The following PGAP1 variants were observed in gnomAD, a reference collection of about 807,000 sequenced individuals.
PGAP1 encodes the protein post-GPI attachment to proteins inositol deacylase 1.
In PGAP1, 76 loss-of-function variants were observed where a neutral mutation model predicts 127.0. That is an observed-to-expected ratio of 0.60 (90% CI 0.50 to 0.72). The LOEUF is 0.72. Among genes scored for constraint, PGAP1 ranks in the 30% least tolerant of loss-of-function variants. PGAP1 has a pLI of 0.00. For synonymous variants in PGAP1, 362 were observed against 366.5 expected, an observed-to-expected ratio of 0.99 and a Z score of 0.14; for missense variants, 982 against 1,071.3, an observed-to-expected ratio of 0.92 and a Z score of 1.16.
rs1407487345 is a variant in PGAP1 at position 196,919,983 on chromosome 2, C to T, written c.301+14G>A. On this transcript the variant is annotated intron_variant, in intron 2 of 26. Coordinates refer to ENST00000354764, the MANE Select transcript of PGAP1 (RefSeq NM_024989.4). ...ATTTTATAGCTTTCAAAATTTACTTCCAGTAAGACTTACCTTGCTTATAAC... is the reference window on the plus strand; with the variant it reads ...ATTTTATAGCTTTCAAAATTTACTTTCAGTAAGACTTACCTTGCTTATAAC... The T allele has an allele frequency of 2.5e-5, 40 of 1,586,044 alleles. No individual in the cohort carries two copies. Among genetic ancestry groups the T allele is most frequent in the Non-Finnish European group, 3.1e-5 (36 of 1,170,232 alleles).
chr2:196,870,330 T>C (rs1559344360), intron 19 of PGAP1, among the ~76,000 whole-genome samples: 2 of 151,436 alleles, frequency 1.3e-5, no homozygotes, highest in South Asian at 2.1e-4. Context: ...GGAGTCTCCC[T>C]TTGTTGCCAA....
At chr2:196,912,751 G>C in intron 4 of PGAP1, 131 bp downstream of exon 4, 1 of 681,464 alleles carries the variant, frequency 1.5e-6, no homozygotes, top group Non-Finnish European at 2.3e-6. Flanking sequence ...AATTGGAGGT[G>C]CTGATTTGCA....
At chr2:196,925,205 A>T (rs929066589) in intron 1 of PGAP1, among the ~76,000 whole-genome samples, 4 of 152,178 alleles carry the variant, frequency 2.6e-5, no homozygotes, top group African/African-American at 9.7e-5. Flanking sequence ...ATGAAATCTA[A>T]ATTTACTAGA....
intron 5 of PGAP1, among the ~76,000 whole-genome samples, chr2:196,899,433 TTAC>T: frequency 6.6e-6 from 1 of 152,216 alleles, no homozygotes; most frequent in Admixed American, 6.5e-5. Context: ...TATTTAGAAA[TTAC>T]TGCTGATAGT....
At chr2:196,892,109 A>G (rs1372495358) in intron 9 of PGAP1, among the ~76,000 whole-genome samples, 1 of 152,100 alleles carries the variant, frequency 6.6e-6, no homozygotes, top group Non-Finnish European at 1.5e-5. Context: ...AATCAATAAC[A>G]ACGTATAGGC....
intron 3 of PGAP1, among the ~76,000 whole-genome samples, chr2:196,914,813 C>CTT (rs772109065): frequency 3.6e-5 from 5 of 138,160 alleles, no homozygotes; most frequent in African/African-American, 2.6e-5. Context: ...ATTCTTAATT[C>CTT]TTTTTTTTTT....
intron 12 of PGAP1, among the ~76,000 whole-genome samples, chr2:196,884,323 CTTTTG>C (rs907804389): frequency 3.0e-4 from 45 of 152,076 alleles, no homozygotes; most frequent in African/African-American, 1.0e-3. Context: ...TATCCTAACA[CTTTTG>C]TTTGTTTTGA....
chr2:196,846,664 T>C (rs62185637), intron 22 of PGAP1, among the ~76,000 whole-genome samples: 17,413 of 152,228 alleles, frequency 0.11, 1,023 homozygotes, highest in Middle Eastern at 0.13. Flanking sequence ...TCTTGCCCCC[T>C]GGTTTCAATA....
At chr2:196,845,558 G>A (rs1700533086) in intron 23 of PGAP1, among the ~76,000 whole-genome samples, 2 of 150,514 alleles carry the variant, frequency 1.3e-5, no homozygotes, top group Non-Finnish European at 3.0e-5. Flanking sequence ...TCAAAAAGAG[G>A]TGTGAATATA....
chr2:196,901,989 T>C (rs1340438308), intron 5 of PGAP1, among the ~76,000 whole-genome samples: 2 of 152,164 alleles, frequency 1.3e-5, no homozygotes, highest in African/African-American at 4.8e-5. Context: ...AGGGTCATTT[T>C]CATCAAGTTT....
intron 19 of PGAP1, among the ~76,000 whole-genome samples, chr2:196,870,272 T>C (rs1701370119): frequency 6.6e-6 from 1 of 151,958 alleles, no homozygotes; most frequent in Non-Finnish European, 1.5e-5. Context: ...ATGAGCAACA[T>C]GAAATCTTTT....
intron 20 of PGAP1, among the ~76,000 whole-genome samples, chr2:196,853,928 T>G (rs1036886887): frequency 1.3e-5 from 2 of 151,318 alleles, no homozygotes; most frequent in Non-Finnish European, 3.0e-5. Context: ...TTTTTTTTTT[T>G]TTTTGGTGGA....
intron 3 of PGAP1, among the ~76,000 whole-genome samples, chr2:196,913,941 G>A (rs1477485284): frequency 6.6e-6 from 1 of 152,152 alleles, no homozygotes; most frequent in Non-Finnish European, 1.5e-5. Flanking sequence ...CTAGGCAGAG[G>A]GTATCTATGT....
rs774706044 is a variant in PGAP1 at position 196,916,592 on chromosome 2, A to C, written c.303T>G (p.Val101=). The C allele has an allele frequency of 6.2e-7, 1 of 1,602,224 alleles. No individual in the cohort carries two copies. Among genetic ancestry groups the C allele is most frequent in the East Asian group, 2.2e-5 (1 of 44,568 alleles). Residue 101 remains valine (V), a splice_region_variant and synonymous_variant, in exon 3 of 27, where the codon GTT becomes GTG. Transcript: ENST00000354764. ...LPGNAGSYKQ[V]RSIGSIALRK... is the part of the protein sequence containing the mutation. Reference sequence around the variant, plus strand: ...TAAGTGCAATGGAGCCAATAGAACGAACTGCAGAGGAAAAGAGTGAAGTGC... The same window carrying C: ...TAAGTGCAATGGAGCCAATAGAACGCACTGCAGAGGAAAAGAGTGAAGTGC...
intron 20 of PGAP1, among the ~76,000 whole-genome samples, chr2:196,863,832 G>T (rs1057481000): frequency 8.6e-5 from 13 of 151,966 alleles, no homozygotes; most frequent in Non-Finnish European, 1.5e-4. Flanking sequence ...GCCCGCCTCG[G>T]CCTCCCAAAG....
At position 196,872,483 on chromosome 2, in the gene PGAP1, C is replaced by T. The variant is rs1355186013; in HGVS notation, c.1686G>A (p.Val562=). The part of the protein sequence containing the change: ...HIAQPENNTH[V]ALFKMYTSSD... ...ATGACGTGTACATTTTAAATAATGC[C>T]ACATGGGTATTGTTTTCTGGTTGAG... The change falls in exon 18 of 27, where the codon GTG becomes GTA. Residue 562 remains valine (V), a synonymous_variant. Transcript: ENST00000354764. 1 of 1,613,192 alleles carries T rather than the reference C, an allele frequency of 6.2e-7. No homozygotes were observed. The highest frequency in any genetic ancestry group is 1.1e-5 in the South Asian group (1 of 91,048).
At chr2:196,904,364 A>G (rs1420130902) in intron 4 of PGAP1, among the ~76,000 whole-genome samples, 1 of 152,154 alleles carries the variant, frequency 6.6e-6, no homozygotes, top group Non-Finnish European at 1.5e-5. Flanking sequence ...AGGATTCTAC[A>G]TACCTGCCCT....
chr2:196,919,469 G>A (rs1030155826), intron 2 of PGAP1, among the ~76,000 whole-genome samples: 10 of 152,146 alleles, frequency 6.6e-5, no homozygotes, highest in African/African-American at 1.9e-4. Context: ...TGGCTGTTAC[G>A]CCAGAAATAA....
At chr2:196,921,670 G>A (rs1053623706) in intron 1 of PGAP1, among the ~76,000 whole-genome samples, 1 of 151,956 alleles carries the variant, frequency 6.6e-6, no homozygotes, top group Admixed American at 6.6e-5. Context: ...ATTTTCTTGA[G>A]ACAGAAAAGC....
Sources: allele counts gnomAD v4.1 joint callset (sites outside exome capture counted in the v4.1 genomes callset), GRCh38; gene constraint gnomAD v4.1.1; transcripts MANE v1.5; gene names NCBI Gene and HGNC (gene_info 2026-07-23, HGNC 2026-07-21).